Variants in KCND2 observed in about 807,000 individuals in gnomAD.
KCND2 encodes the protein potassium voltage-gated channel subfamily D member 2.
A neutral mutation model predicts 54.4 loss-of-function variants in KCND2; 16 were observed. That is an observed-to-expected ratio of 0.29 (90% CI 0.20 to 0.45). The LOEUF is 0.45. Ranked by LOEUF, KCND2 falls within the 20% of genes least tolerant of loss-of-function variation. The probability of loss-of-function intolerance (pLI) is 1.00; values close to 1 mark genes in which losing one functional copy is unlikely to be tolerated. For synonymous variants in KCND2, 317 were observed against 310.7 expected (o/e 1.02, Z -0.21); for missense variants, 486 against 824.2 (o/e 0.59, Z 5.02).
intron 1 of KCND2, among the ~76,000 whole-genome samples, chr7:120,634,585 A>G (rs1000231773): frequency 2.0e-5 from 3 of 152,108 alleles, no homozygotes; most frequent in Non-Finnish European, 4.4e-5. Flanking sequence ...TGCCCTAGTT[A>G]TTGACATACC....
intron 1 of KCND2, among the ~76,000 whole-genome samples, chr7:120,496,562 C>T (rs1393114317): frequency 2.3e-4 from 35 of 150,970 alleles, no homozygotes; most frequent in Admixed American, 2.3e-3. Flanking sequence ...GTAGCTGGGA[C>T]TACAGGTTCC....
rs2116240235 is a variant in KCND2 at position 120,273,997 on chromosome 7, CTCCATCTCT to C, written c.-635_-627del. The C allele has an allele frequency of 2.6e-5, 4 of 156,030 alleles. No individual in the cohort carries two copies. The highest frequency in any genetic ancestry group is 9.6e-5 in the African/African-American group (4 of 41,574). The allele number at this position is 156,030 out of a possible 1,614,324, so 9.7% of individuals were successfully genotyped here. A position where few individuals can be genotyped will look rare whatever the true frequency, so the allele number is the denominator to read the frequency against. On this transcript the variant is annotated 5_prime_UTR_variant, in exon 1 of 6. Transcript: ENST00000331113. ...CCCCACCGTAACCACTGCACATCAC[CTCCATCTCT>C]GCAAATACAGCCCGAGGAGTAGAGG...
At chr7:120,681,428 A>G (rs1487549372) in intron 1 of KCND2, among the ~76,000 whole-genome samples, 2 of 152,026 alleles carry the variant, frequency 1.3e-5, no homozygotes, top group Non-Finnish European at 2.9e-5. Flanking sequence ...TCACATTCCA[A>G]CTAAACACAT....
intron 1 of KCND2, among the ~76,000 whole-genome samples, chr7:120,552,121 A>G (rs1792111424): frequency 6.6e-6 from 1 of 152,230 alleles, no homozygotes; most frequent in Non-Finnish European, 1.5e-5. Flanking sequence ...TGCAAATCCT[A>G]GTATGAAGTT....
intron 1 of KCND2, among the ~76,000 whole-genome samples, chr7:120,309,872 A>G (rs1799711817): frequency 6.6e-6 from 1 of 152,186 alleles, no homozygotes; most frequent in Non-Finnish European, 1.5e-5. Context: ...CAAACCAGTC[A>G]CAGGGAATTT....
chr7:120,708,959 T>C (rs1221529807), intron 1 of KCND2, among the ~76,000 whole-genome samples: 2 of 152,092 alleles, frequency 1.3e-5, no homozygotes, highest in African/African-American at 2.4e-5. Flanking sequence ...ATGAGAAAAC[T>C]GAATCTTAGA....
At chr7:120,593,967 A>G (rs1792702268) in intron 1 of KCND2, among the ~76,000 whole-genome samples, 2 of 152,182 alleles carry the variant, frequency 1.3e-5, no homozygotes, top group Non-Finnish European at 1.5e-5. Context: ...AGACCAGTAC[A>G]GCCTCTGCCA....
intron 1 of KCND2, among the ~76,000 whole-genome samples, chr7:120,293,125 T>A (rs1356962256): frequency 6.6e-6 from 1 of 152,006 alleles, no homozygotes; most frequent in African/African-American, 2.4e-5. Flanking sequence ...CTACCATATT[T>A]TTAAGAAATT....
At position 120,276,674 on chromosome 7, in the gene KCND2, C is replaced by T. The variant is rs114095201; in HGVS notation, c.1115+927C>T. ...AACCAAAGGGACAAATTTCTGAATT[C>T]ATGCTGTTGTTTTTAATATACTTTT... On this transcript the variant is annotated intron_variant, in intron 1 of 5. Transcript: ENST00000331113. Among the ~76,000 whole-genome samples the T allele has an allele frequency of 7.9e-3, 1,195 of 152,088 alleles. 12 individuals carry two copies. The highest frequency in any genetic ancestry group is 0.027 in the African/African-American group (1,114 of 41,518).
intron 1 of KCND2, among the ~76,000 whole-genome samples, chr7:120,302,234 T>C (rs921187600): frequency 6.6e-6 from 1 of 152,210 alleles, no homozygotes; most frequent in Admixed American, 6.5e-5. Flanking sequence ...ATTATTTGCA[T>C]GAACTATGCA....
chr7:120,634,116 AT>A (rs2116519371), intron 1 of KCND2, among the ~76,000 whole-genome samples: 1 of 152,310 alleles, frequency 6.6e-6, no homozygotes, highest in South Asian at 2.1e-4. Flanking sequence ...GATCAAATCA[AT>A]AAAGTATAAA....
chr7:120,570,600 G>A (rs1207710903), intron 1 of KCND2, among the ~76,000 whole-genome samples: 1 of 151,982 alleles, frequency 6.6e-6, no homozygotes, highest in African/African-American at 2.4e-5. Flanking sequence ...TCTCTCAATG[G>A]CAATTAATTT....
At chr7:120,732,249 G>A (rs1266319835) in intron 1 of KCND2, among the ~76,000 whole-genome samples, 1 of 152,110 alleles carries the variant, frequency 6.6e-6, no homozygotes, top group Non-Finnish European at 1.5e-5. Flanking sequence ...AAAAGATGGA[G>A]AAGTGGTAGC....
chr7:120,327,535 C>T (rs1799996105), intron 1 of KCND2, among the ~76,000 whole-genome samples: 2 of 152,034 alleles, frequency 1.3e-5, no homozygotes, highest in African/African-American at 2.4e-5. Context: ...TAGAACCAAT[C>T]CTGAATTGCA....
chr7:120,356,772 A>G (rs908727252), intron 1 of KCND2, among the ~76,000 whole-genome samples: 1 of 152,148 alleles, frequency 6.6e-6, no homozygotes, highest in African/African-American at 2.4e-5. Context: ...AGAAATTCTT[A>G]GTAGCACTCT....
intron 1 of KCND2, among the ~76,000 whole-genome samples, chr7:120,701,394 A>T (rs138652977): frequency 6.6e-6 from 1 of 152,254 alleles, no homozygotes; most frequent in African/African-American, 2.4e-5. Context: ...GGAGACTGGA[A>T]CAAGAAGCAA....
At chr7:120,663,198 A>G (rs1332463157) in intron 1 of KCND2, among the ~76,000 whole-genome samples, 3 of 152,212 alleles carry the variant, frequency 2.0e-5, no homozygotes, top group African/African-American at 7.2e-5. Context: ...ATATTATTAC[A>G]TATCTTACTA....
chr7:120,364,134 T>G (rs1800634555), intron 1 of KCND2, among the ~76,000 whole-genome samples: 1 of 152,190 alleles, frequency 6.6e-6, no homozygotes, highest in African/African-American at 2.4e-5. Flanking sequence ...GATTTTATAT[T>G]TCTACCACTT....
intron 1 of KCND2, among the ~76,000 whole-genome samples, chr7:120,536,600 A>C (rs2116373103): frequency 6.6e-6 from 1 of 152,322 alleles, no homozygotes; most frequent in South Asian, 2.1e-4. Flanking sequence ...TTGCAACAAT[A>C]TTCACAGTAT....
Sources: gnomAD v4.1 joint callset for allele counts (sites outside exome capture counted in the v4.1 genomes callset) on GRCh38, gnomAD v4.1.1 for gene constraint, MANE v1.5 for transcripts, NCBI Gene and HGNC (gene_info 2026-07-23, HGNC 2026-07-21) for gene names.